CLVS1: variants seen among roughly 807,000 people sequenced by gnomAD.
CLVS1 encodes clavesin 1.
Under a neutral mutation model 33.1 loss-of-function variants are expected in CLVS1, and 10 were observed. The ratio of observed to expected loss-of-function variants is 0.30; its 90% confidence interval spans 0.19 to 0.51. The LOEUF is 0.51. Ranked by LOEUF, CLVS1 falls within the 20% of genes least tolerant of loss-of-function variation. CLVS1 has a pLI of 0.97. For synonymous variants in CLVS1, 163 were observed against 166.1 expected, an observed-to-expected ratio of 0.98 and a Z score of 0.14; for missense variants, 343 against 433.4, an observed-to-expected ratio of 0.79 and a Z score of 1.85.
chr8:61,238,271 C>T (rs945294736), intron 2 of CLVS1, among the ~76,000 whole-genome samples: 1 of 151,888 alleles, frequency 6.6e-6, no homozygotes, highest in African/African-American at 2.4e-5. Context: ...TCCCTCTAGC[C>T]TTCCTTCTGT....
At chr8:61,428,485 A>G (rs928315688) in intron 3 of CLVS1, among the ~76,000 whole-genome samples, 4 of 152,232 alleles carry the variant, frequency 2.6e-5, no homozygotes, top group Non-Finnish European at 5.9e-5. Flanking sequence ...CTCCAGAATA[A>G]GAACCTAGGA....
chr8:61,055,917 C>G (rs1321330401), upstream of CLVS1, among the ~76,000 whole-genome samples: 4 of 152,242 alleles, frequency 2.6e-5, no homozygotes, highest in Non-Finnish European at 1.5e-5. Context: ...TCCTTACATG[C>G]GTGGCTCCAC....
the CLVS1 span, among the ~76,000 whole-genome samples, chr8:61,016,039 G>A: frequency 1.3e-5 from 2 of 152,214 alleles, no homozygotes; most frequent in Admixed American, 6.5e-5. Context: ...CTTTCTGAGT[G>A]CCAACATGAC....
At position 61,173,163 on chromosome 8, in the gene CLVS1, T is replaced by C. The variant is rs191047125; in HGVS notation, c.-152+41303T>C. On this transcript the variant is annotated intron_variant, in intron 2 of 2. Transcript: ENST00000522621. ...TTATTATCTGGTTAACATTTTCATA[T>C]GCACACACACAAGTAGATAGGGTAT... Among the ~76,000 whole-genome samples, 19 of 152,326 alleles carry C rather than the reference T, an allele frequency of 1.2e-4. No individual in the cohort carries two copies. The East Asian group carries it at 1.7e-3, about 14-fold the overall frequency.
chr8:61,285,953 C>G (rs760893953), upstream of CLVS1, among the ~76,000 whole-genome samples: 6 of 133,094 alleles, frequency 4.5e-5, no homozygotes, highest in Non-Finnish European at 6.0e-5. Context: ...TTTTGTTTTC[C>G]CTGTAGTTTT....
At chr8:61,080,081 AG>A (rs1804994383) in intron 1 of CLVS1, among the ~76,000 whole-genome samples, 1 of 152,242 alleles carries the variant, frequency 6.6e-6, no homozygotes, top group Non-Finnish European at 1.5e-5. Flanking sequence ...ATCTATGGAA[AG>A]TAGCAAATAT....
At chr8:61,019,969 C>T in the CLVS1 span, among the ~76,000 whole-genome samples, 28,143 of 152,090 alleles carry the variant, frequency 0.19, 4,483 homozygotes, top group African/African-American at 0.43. Context: ...GTAGAGGCCA[C>T]GTTAGCTGTA....
At chr8:61,395,024 A>G (rs1814466873) in intron 3 of CLVS1, among the ~76,000 whole-genome samples, 1 of 152,072 alleles carries the variant, frequency 6.6e-6, no homozygotes, top group Non-Finnish European at 1.5e-5. Flanking sequence ...ATTTTTTACC[A>G]ATTGTTTTCT....
intron 2 of CLVS1, among the ~76,000 whole-genome samples, chr8:61,192,303 T>A (rs1807502186): frequency 1.3e-5 from 2 of 152,140 alleles, no homozygotes; most frequent in African/African-American, 4.8e-5. Flanking sequence ...CTAATGGTGG[T>A]GGGAAAACTG....
At chr8:61,073,754 T>C (rs1804844589) in intron 1 of CLVS1, among the ~76,000 whole-genome samples, 1 of 152,136 alleles carries the variant, frequency 6.6e-6, no homozygotes, top group African/African-American at 2.4e-5. Context: ...GGCTCACACC[T>C]GTAATCCCAG....
chr8:61,124,808 A>C (rs1164139729), intron 1 of CLVS1, among the ~76,000 whole-genome samples: 1 of 152,190 alleles, frequency 6.6e-6, no homozygotes, highest in Non-Finnish European at 1.5e-5. Context: ...TTTTGCTGTA[A>C]TGGAGAGACA....
At chr8:61,135,318 G>A (rs190929238) in intron 2 of CLVS1, among the ~76,000 whole-genome samples, 16 of 152,192 alleles carry the variant, frequency 1.1e-4, no homozygotes, top group African/African-American at 3.9e-4. Flanking sequence ...TGGGGAACAA[G>A]AGTGGAGCAC....
chr8:61,092,958 A>G (rs1805277468), intron 1 of CLVS1, among the ~76,000 whole-genome samples: 1 of 152,180 alleles, frequency 6.6e-6, no homozygotes, highest in Non-Finnish European at 1.5e-5. Context: ...CAGTGCAAGG[A>G]CGAGACACAT....
the CLVS1 span, among the ~76,000 whole-genome samples, chr8:61,017,280 C>A: frequency 6.6e-6 from 1 of 152,338 alleles, no homozygotes; most frequent in South Asian, 2.1e-4. Flanking sequence ...GAAATTAAAT[C>A]CATGTGTCTC....
At chr8:61,187,596 G>T (rs562949941) in intron 2 of CLVS1, among the ~76,000 whole-genome samples, 1 of 151,744 alleles carries the variant, frequency 6.6e-6, no homozygotes, top group South Asian at 2.1e-4. Flanking sequence ...TGCCCAGAAG[G>T]CCAGGATTTT....
At chr8:61,041,401 T>G in the CLVS1 span, among the ~76,000 whole-genome samples, 1 of 152,220 alleles carries the variant, frequency 6.6e-6, no homozygotes, top group Non-Finnish European at 1.5e-5. Flanking sequence ...TAATGTTGAA[T>G]CTATACATTG....
intron 3 of CLVS1, among the ~76,000 whole-genome samples, chr8:61,384,665 T>C (rs542755561): frequency 1.4e-4 from 21 of 152,250 alleles, no homozygotes; most frequent in Non-Finnish European, 2.1e-4. Context: ...TTTAAGATAC[T>C]GTGGATATCT....
At chr8:61,421,420 G>A (rs1395961631) in intron 3 of CLVS1, among the ~76,000 whole-genome samples, 1 of 152,222 alleles carries the variant, frequency 6.6e-6, no homozygotes, top group Non-Finnish European at 1.5e-5. Context: ...TGGTACATGT[G>A]TGGGGTGTTT....
At position 61,103,663 on chromosome 8, in the gene CLVS1, T is replaced by C. The variant is rs2129286890; in HGVS notation, c.-242-28107T>C. 1.3e-5 allele frequency among the ~76,000 whole-genome samples: 2 copies of C among 152,352 alleles called. 1 individual carries two copies. The highest frequency in any genetic ancestry group is 4.1e-4 in the South Asian group (2 of 4,830). On this transcript the variant is annotated intron_variant, in intron 1 of 2. Transcript: ENST00000522621. ...GAATCATTGAGCCCATTTCTTTCAG[T>C]GATTAATGACGAATCACTGTTTTAA...
Sources: allele counts gnomAD v4.1 joint callset (sites outside exome capture counted in the v4.1 genomes callset), GRCh38; gene constraint gnomAD v4.1.1; transcripts MANE v1.5; gene names NCBI Gene and HGNC (gene_info 2026-07-23, HGNC 2026-07-21).